The following TNIK variants were observed in gnomAD, a reference collection of about 807,000 sequenced individuals.
The protein encoded by TNIK is TRAF2 and NCK-interacting protein kinase.
In TNIK, 49 loss-of-function variants were observed where a neutral mutation model predicts 191.3. That is an observed-to-expected ratio of 0.26 (90% CI 0.20 to 0.32). The LOEUF (loss-of-function observed/expected upper bound fraction) is 0.32, where lower values mean the gene tolerates loss of function less well. Among genes scored for constraint, TNIK ranks in the 10% least tolerant of loss-of-function variants. The probability of loss-of-function intolerance (pLI) is 1.00; values close to 1 mark genes in which losing one functional copy is unlikely to be tolerated. For synonymous variants in TNIK, 594 were observed against 600.9 expected (o/e 0.99, Z 0.17); for missense variants, 1,155 against 1,702.3 (o/e 0.68, Z 5.66).
At chr3:171,303,214 C>G (rs982016239) in intron 2 of TNIK, among the ~76,000 whole-genome samples, 1 of 152,108 alleles carries the variant, frequency 6.6e-6, no homozygotes, top group Admixed American at 6.6e-5. Context: ...AGTAAATAGA[C>G]AGTTACTACT....
At chr3:171,065,799 G>A (rs1044652778) in intron 32 of TNIK, among the ~76,000 whole-genome samples, 4 of 152,196 alleles carry the variant, frequency 2.6e-5, no homozygotes, top group African/African-American at 9.6e-5. Context: ...TGAATATAAG[G>A]TGATTGGTTA....
At chr3:171,318,180 T>C (rs1754835099) in intron 2 of TNIK, among the ~76,000 whole-genome samples, 1 of 152,172 alleles carries the variant, frequency 6.6e-6, no homozygotes, top group East Asian at 1.9e-4. Context: ...ACCTGGCCTA[T>C]AGATTGAAAT....
intron 2 of TNIK, among the ~76,000 whole-genome samples, chr3:171,303,064 C>T (rs1313649606): frequency 1.3e-5 from 2 of 152,200 alleles, no homozygotes. Flanking sequence ...GCCAGTGAAG[C>T]TAACACCAAC....
intron 2 of TNIK, among the ~76,000 whole-genome samples, chr3:171,269,204 AATTT>A (rs2109177755): frequency 6.6e-6 from 1 of 152,344 alleles, no homozygotes; most frequent in East Asian, 1.9e-4. Flanking sequence ...TACTGTCTGT[AATTT>A]ATTTAGAGAG....
chr3:171,123,549 G>T, intron 18 of TNIK, 47 bp downstream of exon 18: 1 of 1,430,252 alleles, frequency 7.0e-7, no homozygotes, highest in South Asian at 1.4e-5. Flanking sequence ...TAATGACAAT[G>T]GTGGGTAGGA....
intron 24 of TNIK, 82 bp downstream of exon 24, chr3:171,087,260 G>A: frequency 6.4e-7 from 1 of 1,560,716 alleles, no homozygotes; most frequent in South Asian, 1.2e-5. Flanking sequence ...GCTTGGCGAA[G>A]CCTCATTCTT....
At chr3:171,258,879 C>T (rs976211745) in intron 2 of TNIK, among the ~76,000 whole-genome samples, 2 of 152,122 alleles carry the variant, frequency 1.3e-5, no homozygotes, top group Non-Finnish European at 2.9e-5. Context: ...TTAATTTACT[C>T]CTTGGACTGC....
At position 171,366,769 on chromosome 3, in the gene TNIK, G is replaced by A. The variant is rs1435425087; in HGVS notation, c.123+2851C>T. On this transcript the variant is annotated intron_variant, in intron 2 of 32. Transcript: ENST00000436636. This position sits in a 1 kb window ranked among gnomAD's most constrained non-coding sequence, Gnocchi z 4.1. ...CCCCAACCAAATTTCGTCTTGAATT[G>A]TAGTTCCCGTAATCCCCATGTGTCA... 6.6e-6 allele frequency among the ~76,000 whole-genome samples: 1 copy of A among 152,162 alleles called. No individual in the cohort carries two copies. Among genetic ancestry groups the A allele is most frequent in the African/African-American group, 2.4e-5 (1 of 41,438 alleles).
At chr3:171,282,607 G>A (rs1360197127) in intron 2 of TNIK, among the ~76,000 whole-genome samples, 5 of 152,194 alleles carry the variant, frequency 3.3e-5, no homozygotes, top group East Asian at 1.9e-4. Context: ...GCCTCCCAAA[G>A]TGCTGGGATT....
intron 1 of TNIK, among the ~76,000 whole-genome samples, chr3:171,426,688 G>C (rs560843223): frequency 2.8e-4 from 43 of 151,994 alleles, no homozygotes; most frequent in African/African-American, 1.0e-3. Flanking sequence ...GAGTCTCCAG[G>C]GCTTCTCCAC....
At chr3:171,086,061 T>G (rs867036130) in intron 24 of TNIK, among the ~76,000 whole-genome samples, 1 of 152,226 alleles carries the variant, frequency 6.6e-6, no homozygotes, top group African/African-American at 2.4e-5. Flanking sequence ...TCTTCTATTC[T>G]TGTCCTTTAA....
At chr3:171,116,864 C>T (rs1726779548) in intron 18 of TNIK, among the ~76,000 whole-genome samples, 1 of 152,216 alleles carries the variant, frequency 6.6e-6, no homozygotes, top group Admixed American at 6.5e-5. Flanking sequence ...CTTAACTGAT[C>T]ACCTTCACAG....
chr3:171,374,035 T>G (rs528395050), intron 1 of TNIK, among the ~76,000 whole-genome samples: 6 of 152,354 alleles, frequency 3.9e-5, no homozygotes, highest in Non-Finnish European at 2.9e-5. Context: ...GCACTTAGCA[T>G]GCTGTCCAAT....
chr3:171,165,181 C>T (rs1224419318), intron 10 of TNIK, among the ~76,000 whole-genome samples: 1 of 151,974 alleles, frequency 6.6e-6, no homozygotes, highest in Non-Finnish European at 1.5e-5. Context: ...CCTGTAGTCC[C>T]AGCTACTTGG....
At chr3:171,442,153 T>G (rs951536541) in intron 1 of TNIK, among the ~76,000 whole-genome samples, 1 of 152,220 alleles carries the variant, frequency 6.6e-6, no homozygotes, top group Admixed American at 6.5e-5. Flanking sequence ...ATCCTGATTG[T>G]GAATCCTGCA....
chr3:171,187,358 T>A (rs978132348), intron 7 of TNIK, among the ~76,000 whole-genome samples: 1 of 152,200 alleles, frequency 6.6e-6, no homozygotes, highest in Non-Finnish European at 1.5e-5. Context: ...CAGATTGTTG[T>A]CAGGTTATTA....
intron 1 of TNIK, among the ~76,000 whole-genome samples, chr3:171,400,327 G>A (rs1431644173): frequency 6.6e-6 from 1 of 152,136 alleles, no homozygotes; most frequent in African/African-American, 2.4e-5. Context: ...CACTTTGGGA[G>A]GCCAAGGCGA....
chr3:171,440,495 G>C (rs531133377), intron 1 of TNIK, among the ~76,000 whole-genome samples: 1 of 152,190 alleles, frequency 6.6e-6, no homozygotes, highest in African/African-American at 2.4e-5. Flanking sequence ...TGAGCTCTAG[G>C]GGTAACAGTG....
chr3:171,301,968 C>CATA (rs1752933522), intron 2 of TNIK, among the ~76,000 whole-genome samples: 1 of 152,178 alleles, frequency 6.6e-6, no homozygotes, highest in South Asian at 2.1e-4. Flanking sequence ...CATACATATA[C>CATA]ATACGTATGG....
Sources: gnomAD v4.1 joint callset for allele counts (sites outside exome capture counted in the v4.1 genomes callset) on GRCh38, gnomAD v4.1.1 for gene constraint, Gnocchi (gnomAD v3.1) non-coding constraint, MANE v1.5 for transcripts, NCBI Gene and HGNC (gene_info 2026-07-23, HGNC 2026-07-21) for gene names.